CNBD1: variants seen among roughly 807,000 people sequenced by gnomAD.
CNBD1 encodes the protein cyclic nucleotide-binding domain-containing protein 1.
A neutral mutation model predicts 54.4 loss-of-function variants in CNBD1; 71 were observed. The observed-to-expected ratio is 1.30, with a 90% CI of 1.08 to 1.59. CNBD1 has a LOEUF of 1.59. Ranked by LOEUF, CNBD1 falls within the 40% of genes most tolerant of loss-of-function variation. The probability of loss-of-function intolerance (pLI) is 0.00; values close to 1 mark genes in which losing one functional copy is unlikely to be tolerated. For missense variants in CNBD1, 659 were observed against 518.0 expected, an observed-to-expected ratio of 1.27 and a Z score of -2.64; for synonymous variants, 182 against 170.7, an observed-to-expected ratio of 1.07 and a Z score of -0.51.
intron 4 of CNBD1, among the ~76,000 whole-genome samples, chr8:87,083,648 G>A (rs916932008): frequency 4.7e-5 from 7 of 148,644 alleles, no homozygotes; most frequent in Non-Finnish European, 8.9e-5. Context: ...GAGTGCGGTG[G>A]CTGGATCTCG....
At chr8:86,965,391 A>C (rs1808045728) in intron 4 of CNBD1, among the ~76,000 whole-genome samples, 1 of 152,110 alleles carries the variant, frequency 6.6e-6, no homozygotes, top group African/African-American at 2.4e-5. Flanking sequence ...AGTGACTGCT[A>C]GACCTCCATG....
chr8:87,133,253 T>A (rs1014739157), intron 4 of CNBD1, among the ~76,000 whole-genome samples: 3 of 152,194 alleles, frequency 2.0e-5, no homozygotes, highest in Admixed American at 2.0e-4. Flanking sequence ...TTTCAATGTA[T>A]GTTGTCTTTT....
intron 4 of CNBD1, among the ~76,000 whole-genome samples, chr8:87,147,726 T>C (rs536724101): frequency 1.3e-5 from 2 of 152,068 alleles, no homozygotes; most frequent in Non-Finnish European, 2.9e-5. Flanking sequence ...CATGGGATGC[T>C]TCATAACTTC....
intron 8 of CNBD1, among the ~76,000 whole-genome samples, chr8:87,328,888 T>C (rs1484115018): frequency 1.3e-5 from 2 of 152,136 alleles, no homozygotes; most frequent in African/African-American, 2.4e-5. Context: ...ATTTTCTTAA[T>C]ACCATTTATG....
At chr8:87,101,082 G>A (rs1032412104) in intron 4 of CNBD1, among the ~76,000 whole-genome samples, 1 of 152,168 alleles carries the variant, frequency 6.6e-6, no homozygotes, top group Admixed American at 6.5e-5. Flanking sequence ...ACACCTTTCA[G>A]ATAAAAGTTA....
intron 4 of CNBD1, among the ~76,000 whole-genome samples, chr8:87,134,339 A>C (rs1438559815): frequency 6.6e-6 from 1 of 152,088 alleles, no homozygotes; most frequent in East Asian, 1.9e-4. Context: ...TGTTTTAGGA[A>C]AAAAACTTCC....
chr8:87,300,701 GA>G (rs757386401), intron 8 of CNBD1, among the ~76,000 whole-genome samples: 1 of 152,130 alleles, frequency 6.6e-6, no homozygotes, highest in Non-Finnish European at 1.5e-5. Flanking sequence ...ATATGTGTGT[GA>G]TACACACACA....
rs115199362 is a variant in CNBD1 at position 86,875,850 on chromosome 8, G to A, written c.88+9267G>A. ...ATAATTTTAAAAATTTCAACTTATT[G>A]TGGAAAATTATATTGCTATATTCTC... On this transcript the variant is annotated intron_variant, in intron 1 of 10. Coordinates refer to ENST00000518476, the MANE Select transcript of CNBD1 (RefSeq NM_173538.3). Among the ~76,000 whole-genome samples, 938 of 152,172 alleles carry A rather than the reference G, an allele frequency of 6.2e-3. 17 individuals are homozygous for A. The highest frequency in any genetic ancestry group is 0.021 in the African/African-American group (887 of 41,538).
intron 5 of CNBD1, among the ~76,000 whole-genome samples, chr8:87,213,958 T>C (rs1814154636): frequency 6.6e-6 from 1 of 152,152 alleles, no homozygotes; most frequent in South Asian, 2.1e-4. Flanking sequence ...ACCAAGGGGC[T>C]AAAGGCCCCA....
rs141666561 is a variant in CNBD1 at position 87,408,955 on chromosome 8, C to T, written c.214-19591C>T. On this transcript the variant is annotated intron_variant, in intron 2 of 7. Transcript: ENST00000521593. The stretch of plus-strand genomic sequence containing the variant: ...ATCTCTCTCTCTCTCCTCAGACCTA[C>T]GTGTTCCCTAAGGCCCGACAAAATT... Among the ~76,000 whole-genome samples, 9 of 152,164 alleles carry T rather than the reference C, an allele frequency of 5.9e-5. No homozygotes were observed. In the South Asian group the frequency reaches 6.2e-4, roughly 10 times the overall value.
rs191080542 is a variant in CNBD1, at chr8:87,117,713, G to A, written c.432-88280G>A. On this transcript the variant is annotated intron_variant, in intron 4 of 10. Transcript: ENST00000518476. ...AAATTGCAAAGACTCAACTATTAGT[G>A]TAGACCTTGGACAGCTAGCTAAAAG... is the stretch of plus-strand genomic sequence containing the variant. Among the ~76,000 whole-genome samples the A allele has an allele frequency of 3.3e-5, 5 of 152,344 alleles. No homozygotes were observed. The East Asian group carries it at 7.7e-4, about 24-fold the overall frequency.
At chr8:87,008,157 T>C (rs76529522) in intron 4 of CNBD1, among the ~76,000 whole-genome samples, 2,105 of 152,332 alleles carry the variant, frequency 0.014, 56 homozygotes, top group African/African-American at 0.047. Flanking sequence ...CATTAATTTA[T>C]TGTTTTTTCC....
chr8:87,099,136 A>T (rs1417991995), intron 4 of CNBD1, among the ~76,000 whole-genome samples: 2 of 151,516 alleles, frequency 1.3e-5, no homozygotes, highest in East Asian at 3.9e-4. Flanking sequence ...ATACATGATT[A>T]TATTTGAAGG....
chr8:87,278,187 T>A (rs1808522861), intron 6 of CNBD1, among the ~76,000 whole-genome samples: 1 of 151,370 alleles, frequency 6.6e-6, no homozygotes, highest in Non-Finnish European at 1.5e-5. Context: ...AACTTAGATA[T>A]GAGAAATGAA....
At chr8:87,184,707 C>G (rs960222931) in intron 4 of CNBD1, among the ~76,000 whole-genome samples, 1 of 152,086 alleles carries the variant, frequency 6.6e-6, no homozygotes, top group Non-Finnish European at 1.5e-5. Flanking sequence ...CTAACTTCCT[C>G]CCCTTTCAGC....
At chr8:87,224,213 G>A (rs1388935932) in intron 5 of CNBD1, among the ~76,000 whole-genome samples, 3 of 151,468 alleles carry the variant, frequency 2.0e-5, no homozygotes, top group Admixed American at 1.3e-4. Context: ...TCTGATGGTA[G>A]TTTCTTTTGC....
chr8:87,357,052 G>T lies in CNBD1; in HGVS notation c.1303+3266G>T, dbSNP rs552042303. On this transcript the variant is annotated intron_variant, in intron 10 of 10. Transcript: ENST00000518476. Reference sequence around the variant, plus strand: ...TATAAGCCTTTGTGGCTTCCACATGGAGTTGGGTCTGCAGGTATATGAAAT... The same window carrying T: ...TATAAGCCTTTGTGGCTTCCACATGTAGTTGGGTCTGCAGGTATATGAAAT... Among the ~76,000 whole-genome samples the T allele has an allele frequency of 5.9e-5, 9 of 152,326 alleles. No homozygotes were observed. The South Asian group carries it at 1.9e-3, about 32-fold the overall frequency.
chr8:87,029,732 C>A (rs1809739527), intron 4 of CNBD1, among the ~76,000 whole-genome samples: 1 of 151,920 alleles, frequency 6.6e-6, no homozygotes, highest in Admixed American at 6.6e-5. Context: ...AAAAATGGAT[C>A]ACTGGGAGAA....
At chr8:87,344,532 T>C (rs370676809) in intron 8 of CNBD1, among the ~76,000 whole-genome samples, 1 of 152,206 alleles carries the variant, frequency 6.6e-6, no homozygotes, top group South Asian at 2.1e-4. Flanking sequence ...TGATTTTACA[T>C]ATAGTGATCG....
Sources: allele counts gnomAD v4.1 joint callset (sites outside exome capture counted in the v4.1 genomes callset), GRCh38; gene constraint gnomAD v4.1.1; transcripts MANE v1.5; gene names NCBI Gene and HGNC (gene_info 2026-07-23, HGNC 2026-07-21).